The following HERC4 variants were observed in gnomAD, a reference collection of about 807,000 sequenced individuals.
HERC4 encodes probable E3 ubiquitin-protein ligase HERC4.
A neutral mutation model predicts 124.3 loss-of-function variants in HERC4; 28 were observed. That is an observed-to-expected ratio of 0.23 (90% CI 0.17 to 0.31). The LOEUF is 0.31. Among genes scored for constraint, HERC4 ranks in the 10% least tolerant of loss-of-function variants. The pLI, the probability that HERC4 is intolerant of heterozygous loss-of-function variation, is 1.00. For missense variants in HERC4, 713 were observed against 1,229.3 expected, an observed-to-expected ratio of 0.58 and a Z score of 6.28; for synonymous variants, 407 against 421.5, an observed-to-expected ratio of 0.97 and a Z score of 0.42.
At chr10:67,991,820 T>C (rs983519353) in intron 11 of HERC4, among the ~76,000 whole-genome samples, 1 of 152,240 alleles carries the variant, frequency 6.6e-6, no homozygotes, top group Admixed American at 6.5e-5. Context: ...AAATATTTTA[T>C]GTTATCATTT....
intron 8 of HERC4, among the ~76,000 whole-genome samples, chr10:68,015,102 T>C (rs1335191005): frequency 6.6e-6 from 1 of 152,354 alleles, no homozygotes; most frequent in East Asian, 1.9e-4. Flanking sequence ...TCCTAATCTA[T>C]AGCTTGCTTT....
intron 16 of HERC4, chr10:67,964,880 C>G (rs1185344016): frequency 6.6e-6 from 1 of 152,216 alleles, no homozygotes; most frequent in Non-Finnish European, 1.5e-5. Context: ...TCAAGCAATT[C>G]TCCTGCCTCA....
intron 4 of HERC4, chr10:68,039,328 A>T: frequency 6.8e-7 from 1 of 1,474,674 alleles, no homozygotes; most frequent in South Asian, 1.4e-5. Flanking sequence ...AAAAAAAAAA[A>T]AAAAAAGAAA....
chr10:67,930,269 T>C (rs1165387652), intron 23 of HERC4, among the ~76,000 whole-genome samples: 1 of 152,156 alleles, frequency 6.6e-6, no homozygotes, highest in Non-Finnish European at 1.5e-5. Flanking sequence ...AAAACACACA[T>C]ACCATAAAGT....
intron 3 of HERC4, among the ~76,000 whole-genome samples, chr10:68,057,640 T>C (rs1432474572): frequency 6.7e-6 from 1 of 149,724 alleles, no homozygotes; most frequent in Non-Finnish European, 1.5e-5. Flanking sequence ...AAAAAAAAAG[T>C]ATAACTAAGT....
intron 7 of HERC4, among the ~76,000 whole-genome samples, chr10:68,029,863 C>T (rs867912622): frequency 6.6e-6 from 1 of 151,128 alleles, no homozygotes; most frequent in Non-Finnish European, 1.5e-5. Context: ...CTCAGCCTCC[C>T]GACTACCTGG....
chr10:67,978,778 C>T (rs114927373), intron 15 of HERC4, among the ~76,000 whole-genome samples: 14,337 of 152,188 alleles, frequency 0.094, 894 homozygotes, highest in Middle Eastern at 0.18. Context: ...TCAGAACAGA[C>T]AAAGTTTGTT....
At chr10:67,970,165 TAACTCCTGACTA>T (rs1038370642) in intron 15 of HERC4, among the ~76,000 whole-genome samples, 5 of 5,018 alleles carry the variant, frequency 1.0e-3, no homozygotes, top group Admixed American at 5.2e-3. Flanking sequence ...AATTCCAGCT[TAACTCCTGACTA>T]AACTCAAATC....
At chr10:67,939,737 T>C in intron 20 of HERC4, 83 bp from the exon 21 acceptor site, 2 of 563,876 alleles carry the variant, frequency 3.5e-6, no homozygotes, top group Non-Finnish European at 5.9e-6. Context: ...TATATATATA[T>C]ATACTTCTCA....
At chr10:67,970,203 G>C (rs1341032119) in intron 15 of HERC4, among the ~76,000 whole-genome samples, 1 of 152,126 alleles carries the variant, frequency 6.6e-6, no homozygotes, top group Non-Finnish European at 1.5e-5. Context: ...ACTAATACCA[G>C]ATAGTAGAGG....
chr10:68,042,943 C>T (rs747024), intron 4 of HERC4, among the ~76,000 whole-genome samples: 14,232 of 152,110 alleles, frequency 0.094, 897 homozygotes, highest in Middle Eastern at 0.18. Context: ...AATACCTTAA[C>T]ATACAGCTTA....
intron 16 of HERC4, among the ~76,000 whole-genome samples, chr10:67,963,571 C>T (rs2034661861): frequency 6.6e-6 from 1 of 152,072 alleles, no homozygotes; most frequent in South Asian, 2.1e-4. Context: ...GAGCTAAACA[C>T]CAAGAGTTTA....
chr10:67,940,175 C>T (rs1311707732), intron 20 of HERC4, among the ~76,000 whole-genome samples: 2 of 152,094 alleles, frequency 1.3e-5, no homozygotes, highest in Non-Finnish European at 2.9e-5. Context: ...ATCTGCCCAC[C>T]TTGGCCTCCC....
chr10:67,926,690 A>C (rs2031017541), intron 23 of HERC4, among the ~76,000 whole-genome samples: 1 of 152,132 alleles, frequency 6.6e-6, no homozygotes, highest in Non-Finnish European at 1.5e-5. Context: ...ACAAATATAT[A>C]ATGAGTTTTA....
At chr10:68,074,980 CG>C (rs1030917003) in intron 1 of HERC4, 163 bp downstream of exon 1, 2 of 152,470 alleles carry the variant, frequency 1.3e-5, no homozygotes, top group South Asian at 2.1e-4. Flanking sequence ...CCCAAGGTGA[CG>C]GGGGGCGGCC....
intron 9 of HERC4, chr10:67,995,168 G>A: frequency 2.3e-6 from 1 of 430,248 alleles, no homozygotes; most frequent in Admixed American, 2.6e-5. Flanking sequence ...TCACCATTTG[G>A]TTATTTCAGT....
intron 9 of HERC4, among the ~76,000 whole-genome samples, chr10:67,997,074 T>C (rs1328506738): frequency 5.3e-5 from 8 of 152,156 alleles, no homozygotes; most frequent in African/African-American, 1.7e-4. Context: ...AATGTCACTT[T>C]GTTGCAGAAT....
chr10:68,040,104 T>G (rs2039686094), intron 4 of HERC4: 1 of 947,996 alleles, frequency 1.1e-6, no homozygotes, highest in Non-Finnish European at 1.3e-6. Flanking sequence ...AATATACTGT[T>G]AAAGGATAAC....
intron 15 of HERC4, among the ~76,000 whole-genome samples, chr10:67,982,020 T>G (rs1336551823): frequency 6.6e-6 from 1 of 152,158 alleles, no homozygotes; most frequent in Non-Finnish European, 1.5e-5. Flanking sequence ...TTCAATATTG[T>G]TAAAATGTCC....
Sources: gnomAD v4.1 joint callset for allele counts (sites outside exome capture counted in the v4.1 genomes callset) on GRCh38, gnomAD v4.1.1 for gene constraint, MANE v1.5 for transcripts, NCBI Gene and HGNC (gene_info 2026-07-23, HGNC 2026-07-21) for gene names.